CDC14A: variants seen among roughly 807,000 people sequenced by gnomAD.
The protein encoded by CDC14A is cell division cycle 14A, also known as dual specificity protein phosphatase CDC14A.
In CDC14A, 53 loss-of-function variants were observed where a neutral mutation model predicts 74.4. The ratio of observed to expected loss-of-function variants is 0.71; its 90% CI spans 0.57 to 0.89. CDC14A has a LOEUF of 0.89. Among genes scored for constraint, CDC14A ranks in the 40% least tolerant of loss-of-function variants. The pLI is 0.00. For missense variants in CDC14A, 646 were observed against 713.7 expected (o/e 0.91, Z 1.08); for synonymous variants, 247 against 258.4 (o/e 0.96, Z 0.43).
chr1:100,442,382 C>A (rs1665046018), intron 6 of CDC14A, among the ~76,000 whole-genome samples: 1 of 143,198 alleles, frequency 7.0e-6, no homozygotes. Flanking sequence ...TAAATATATA[C>A]TATATATTAT....
chr1:100,420,101 G>T (rs1323211155), intron 4 of CDC14A, among the ~76,000 whole-genome samples: 2 of 79,706 alleles, frequency 2.5e-5, no homozygotes, highest in African/African-American at 4.1e-5. Context: ...GTGTGTGTGT[G>T]TTATGCTTTG....
At chr1:100,438,545 T>C (rs1329717776) in intron 5 of CDC14A, among the ~76,000 whole-genome samples, 3 of 152,246 alleles carry the variant, frequency 2.0e-5, no homozygotes, top group Non-Finnish European at 2.9e-5. Flanking sequence ...ACAAGATATT[T>C]GAAAAGGGGG....
At chr1:100,393,669 C>A in intron 4 of CDC14A, 13 of 503,364 alleles carry the variant, frequency 2.6e-5, no homozygotes, top group East Asian at 4.5e-5. Context: ...ATCAAGTGGT[C>A]AATATCAATC....
chr1:100,487,405 A>G (rs1670128491), intron 11 of CDC14A, among the ~76,000 whole-genome samples: 2 of 151,990 alleles, frequency 1.3e-5, no homozygotes, highest in Admixed American at 1.3e-4. Flanking sequence ...CTAAAAATAG[A>G]GAAAAAATTA....
At chr1:100,349,905 C>G (rs927441085), upstream of CDC14A, among the ~76,000 whole-genome samples, 47 of 152,116 alleles carry the variant, frequency 3.1e-4, no homozygotes, top group African/African-American at 9.9e-4. Flanking sequence ...ACTGCAACCT[C>G]CCGAGTAGCT....
At chr1:100,429,210 T>A (rs1228562490) in intron 5 of CDC14A, among the ~76,000 whole-genome samples, 7 of 145,104 alleles carry the variant, frequency 4.8e-5, no homozygotes. Flanking sequence ...TCTCAAAAAA[T>A]AAATAAATAA....
intron 1 of CDC14A, among the ~76,000 whole-genome samples, chr1:100,346,135 T>G (rs190195556): frequency 6.6e-6 from 1 of 152,156 alleles, no homozygotes; most frequent in East Asian, 1.9e-4. Flanking sequence ...TGTGCCACTG[T>G]ACTTCCAGCC....
At chr1:100,427,800 T>C (rs555393225) in intron 5 of CDC14A, among the ~76,000 whole-genome samples, 1 of 152,310 alleles carries the variant, frequency 6.6e-6, no homozygotes, top group South Asian at 2.1e-4. Flanking sequence ...GTATAGTCTG[T>C]ATACATGTAT....
chr1:100,439,703 G>A (rs1448063372), intron 5 of CDC14A, among the ~76,000 whole-genome samples: 1 of 152,076 alleles, frequency 6.6e-6, no homozygotes, highest in Non-Finnish European at 1.5e-5. Context: ...TAAGGCAGTC[G>A]GACTCAGGAA....
At chr1:100,369,460 TTTGA>T (rs1654121974) in intron 2 of CDC14A, among the ~76,000 whole-genome samples, 1 of 152,194 alleles carries the variant, frequency 6.6e-6, no homozygotes, top group South Asian at 2.1e-4. Context: ...TCATTATGGT[TTTGA>T]TTGGTGTTTC....
chr1:100,363,077 G>A (rs923126788), intron 2 of CDC14A: 1 of 152,376 alleles, frequency 6.6e-6, no homozygotes, highest in Admixed American at 6.5e-5. Context: ...CGTTTACGTA[G>A]TGGGTGGGGA....
rs1319084640 is a variant in CDC14A at position 100,494,893 on chromosome 1, C to A, written c.1213C>A (p.Gln405Lys). The A allele has an allele frequency of 1.2e-6, 2 of 1,612,260 alleles. No individual in the cohort carries two copies. Among genetic ancestry groups the A allele is most frequent in the Non-Finnish European group, 1.7e-6 (2 of 1,178,518 alleles). ...QGDKLRALKS[Q>K]RQPRTSPSCA... ...AGACAAACTACGTGCCTTAAAAAGT[C>A]AGAGACAGCCACGTACCTCACCATC... The change falls in exon 12 of 16, where the codon CAG becomes AAG. Residue 405 changes from glutamine (Q) to lysine (K), a missense_variant. Coordinates refer to ENST00000336454, the MANE Select transcript of CDC14A (RefSeq NM_003672.4).
At chr1:100,414,099 A>G (rs1485696426) in intron 4 of CDC14A, among the ~76,000 whole-genome samples, 1 of 152,188 alleles carries the variant, frequency 6.6e-6, no homozygotes, top group African/African-American at 2.4e-5. Flanking sequence ...TGAATATATT[A>G]TCATGTTTGG....
intron 11 of CDC14A, among the ~76,000 whole-genome samples, chr1:100,494,252 A>G (rs1178939479): frequency 6.6e-6 from 1 of 152,106 alleles, no homozygotes; most frequent in South Asian, 2.1e-4. Context: ...TGGTACTTCT[A>G]TTTTTCAAAC....
intron 2 of CDC14A, among the ~76,000 whole-genome samples, chr1:100,373,011 C>T (rs1156759158): frequency 6.6e-6 from 1 of 152,292 alleles, no homozygotes; most frequent in Admixed American, 6.5e-5. Context: ...ACTGGGGTAG[C>T]ACTATTAATT....
intron 5 of CDC14A, among the ~76,000 whole-genome samples, chr1:100,438,794 C>A (rs1019951638): frequency 1.3e-5 from 2 of 152,174 alleles, no homozygotes; most frequent in Non-Finnish European, 1.5e-5. Context: ...TTCAAGTGAC[C>A]TTGAATGGTT....
At chr1:100,456,670 A>T (rs968055469) in intron 8 of CDC14A, among the ~76,000 whole-genome samples, 1 of 152,190 alleles carries the variant, frequency 6.6e-6, no homozygotes, top group Non-Finnish European at 1.5e-5. Flanking sequence ...TTTTTCTTTA[A>T]TCATCATATT....
At position 100,460,774 on chromosome 1, in the gene CDC14A, A is replaced by G. The variant is rs938220232; in HGVS notation, c.608-1877A>G. Reference sequence around the variant, plus strand: ...TTTTACCTGTTTGCTCAAAAGCAACATAGCCTGTGAAAATCACATATCTGA... The same window carrying G: ...TTTTACCTGTTTGCTCAAAAGCAACGTAGCCTGTGAAAATCACATATCTGA... On this transcript the variant is annotated intron_variant, in intron 8 of 15. Transcript: ENST00000336454. Among the ~76,000 whole-genome samples the G allele has an allele frequency of 2.0e-5, 3 of 152,356 alleles. No homozygotes were observed. In the East Asian group the frequency reaches 5.8e-4, roughly 29 times the overall value.
rs528884965 is a variant in CDC14A, at chr1:100,443,257, A to T, written c.519+261A>T. ...CTTTGCACCTTTAGTTTATAAGAAA[A>T]ATCTAGTAGGGTAGTAAAATTATGT... On this transcript the variant is annotated intron_variant, in intron 7 of 15. Coordinates refer to ENST00000336454, the MANE Select transcript of CDC14A (RefSeq NM_003672.4). 1.3e-4 allele frequency: 38 copies of T among 293,030 alleles called. 2 individuals carry two copies. In the South Asian group the frequency reaches 4.4e-3, roughly 34 times the overall value. 18.2% of individuals were successfully genotyped at this position (293,030 alleles called of 1,614,324 possible).
Sources: gnomAD v4.1 joint callset for allele counts (sites outside exome capture counted in the v4.1 genomes callset) on GRCh38, gnomAD v4.1.1 for gene constraint, MANE v1.5 for transcripts, NCBI Gene and HGNC (gene_info 2026-07-23, HGNC 2026-07-21) for gene names.